Variants in CTNNA2 observed in about 807,000 individuals in gnomAD.
The protein encoded by CTNNA2 is catenin alpha 2, also known as catenin alpha-2.
Under a neutral mutation model 101.0 loss-of-function variants are expected in CTNNA2, and 42 were observed. The ratio of observed to expected loss-of-function variants is 0.42; its 90% CI spans 0.32 to 0.54. CTNNA2 has a LOEUF of 0.54. CTNNA2 is among the 20% of genes least tolerant of loss of function. CTNNA2 has a pLI of 0.14. For synonymous variants in CTNNA2, 450 were observed against 456.4 expected (o/e 0.99, Z 0.18); for missense variants, 871 against 1,223.1 (o/e 0.71, Z 4.29).
intron 7 of CTNNA2, among the ~76,000 whole-genome samples, chr2:80,383,011 T>A (rs959266805): frequency 1.3e-5 from 2 of 152,206 alleles, no homozygotes; most frequent in African/African-American, 4.8e-5. Context: ...TGAAATGGCA[T>A]TTTTTAGCAG....
intron 8 of CTNNA2, among the ~76,000 whole-genome samples, chr2:80,409,585 A>G (rs1395046318): frequency 6.6e-6 from 1 of 152,162 alleles, no homozygotes; most frequent in Non-Finnish European, 1.5e-5. Flanking sequence ...ATCTACCAAG[A>G]GCTACTTAAA....
rs941718970 is a variant in CTNNA2, at chr2:80,514,006, C to T, written c.1291-30976C>T. ...GCAATCATTTACCATTTGATTTGAA[C>T]GTCTCTCTTTCTCATAATCTTTATT... On this transcript the variant is annotated intron_variant, in intron 9 of 18. Transcript: ENST00000402739. Among the ~76,000 whole-genome samples the T allele has an allele frequency of 9.2e-5, 14 of 152,116 alleles. No individual in the cohort carries two copies. In the South Asian group the frequency reaches 1.0e-3, roughly 11 times the overall value.
chr2:79,888,361 C>T (rs568055934), intron 6 of CTNNA2, among the ~76,000 whole-genome samples: 23 of 152,088 alleles, frequency 1.5e-4, no homozygotes, highest in South Asian at 4.1e-4. Flanking sequence ...AATCTCTTTC[C>T]GGGTTATTGA....
chr2:79,940,870 A>G (rs143279636), intron 7 of CTNNA2, among the ~76,000 whole-genome samples: 17 of 152,342 alleles, frequency 1.1e-4, no homozygotes, highest in African/African-American at 4.1e-4. Context: ...GAATGGTTGT[A>G]TGGCTACTCA....
intron 9 of CTNNA2, among the ~76,000 whole-genome samples, chr2:80,467,935 A>C (rs1327105824): frequency 6.6e-6 from 1 of 152,192 alleles, no homozygotes; most frequent in Non-Finnish European, 1.5e-5. Flanking sequence ...TTGTTTATAA[A>C]TTACCCTATA....
chr2:80,474,461 G>A (rs1160781887), intron 9 of CTNNA2, among the ~76,000 whole-genome samples: 1 of 152,096 alleles, frequency 6.6e-6, no homozygotes, highest in African/African-American at 2.4e-5. Flanking sequence ...AACAACAACA[G>A]CAACAACAAA....
intron 2 of CTNNA2, among the ~76,000 whole-genome samples, chr2:79,741,895 T>C (rs1377345088): frequency 2.0e-5 from 3 of 152,218 alleles, no homozygotes; most frequent in South Asian, 2.1e-4. Context: ...TGAAAAGCAT[T>C]GACAATTGTT....
intron 9 of CTNNA2, among the ~76,000 whole-genome samples, chr2:80,507,104 A>G (rs1489824936): frequency 6.6e-6 from 1 of 152,194 alleles, no homozygotes; most frequent in African/African-American, 2.4e-5. Context: ...TGAATCAGAT[A>G]CTTGTTAGGG....
chr2:80,443,515 T>A (rs1449400493), intron 9 of CTNNA2, among the ~76,000 whole-genome samples: 1 of 152,156 alleles, frequency 6.6e-6, no homozygotes, highest in Non-Finnish European at 1.5e-5. Flanking sequence ...CATGGCCTAA[T>A]AGAAAGAACA....
intron 4 of CTNNA2, among the ~76,000 whole-genome samples, chr2:79,396,305 C>T (rs555413896): frequency 1.3e-5 from 2 of 152,052 alleles, no homozygotes; most frequent in African/African-American, 4.8e-5. Flanking sequence ...ATTACAGGTG[C>T]CTGCCAACAT....
At chr2:79,710,220 G>A (rs1220908456) in intron 2 of CTNNA2, among the ~76,000 whole-genome samples, 1 of 151,956 alleles carries the variant, frequency 6.6e-6, no homozygotes, top group Non-Finnish European at 1.5e-5. Flanking sequence ...AAAAATGGAT[G>A]AGACTTCACA....
chr2:79,511,831 A>T (rs1671551441), upstream of CTNNA2, among the ~76,000 whole-genome samples: 1 of 152,142 alleles, frequency 6.6e-6, no homozygotes, highest in Non-Finnish European at 1.5e-5. Context: ...AGGAGAATTT[A>T]AAAAATGCAT....
chr2:80,621,749 T>G (rs944492530), intron 18 of CTNNA2, among the ~76,000 whole-genome samples: 3 of 138,998 alleles, frequency 2.2e-5, no homozygotes, highest in African/African-American at 7.4e-5. Flanking sequence ...TGGAACTATG[T>G]ACTATGGGGG....
intron 7 of CTNNA2, among the ~76,000 whole-genome samples, chr2:80,129,938 C>A (rs552603549): frequency 6.6e-6 from 1 of 152,182 alleles, no homozygotes; most frequent in Non-Finnish European, 1.5e-5. Context: ...TGATGAGAGT[C>A]AGAACTGAAA....
chr2:80,290,596 A>C (rs750203479), intron 7 of CTNNA2, among the ~76,000 whole-genome samples: 6 of 150,450 alleles, frequency 4.0e-5, no homozygotes, highest in African/African-American at 7.5e-5. Context: ...TACTATTTAG[A>C]CATTTTTTTT....
At chr2:79,206,534 T>C (rs1674102930) in intron 2 of CTNNA2, among the ~76,000 whole-genome samples, 2 of 152,198 alleles carry the variant, frequency 1.3e-5, no homozygotes, top group South Asian at 4.1e-4. Flanking sequence ...CTTCCTATTC[T>C]TCTCCTCTCC....
chr2:79,883,627 A>T (rs1683615779), intron 6 of CTNNA2, among the ~76,000 whole-genome samples: 1 of 152,226 alleles, frequency 6.6e-6, no homozygotes, highest in African/African-American at 2.4e-5. Flanking sequence ...CATAATGTCG[A>T]TTTTGACTGC....
At chr2:80,534,016 C>T (rs58449318) in intron 9 of CTNNA2, among the ~76,000 whole-genome samples, 5,754 of 152,160 alleles carry the variant, frequency 0.038, 357 homozygotes, top group African/African-American at 0.13. Flanking sequence ...AGTGATTCAG[C>T]TATGAAGCGG....
At chr2:79,441,637 A>G (rs1391207420) in intron 4 of CTNNA2, among the ~76,000 whole-genome samples, 3 of 152,192 alleles carry the variant, frequency 2.0e-5, no homozygotes, top group African/African-American at 7.2e-5. Context: ...GCTGCTATGC[A>G]GTCACCCTAG....
Sources: gnomAD v4.1 joint callset for allele counts (sites outside exome capture counted in the v4.1 genomes callset) on GRCh38, gnomAD v4.1.1 for gene constraint, MANE v1.5 for transcripts, NCBI Gene and HGNC (gene_info 2026-07-23, HGNC 2026-07-21) for gene names.